ANXA6: variants seen among roughly 807,000 people sequenced by gnomAD.
ANXA6 encodes 67 kDa calelectrin.
A neutral mutation model predicts 95.4 loss-of-function variants in ANXA6; 71 were observed. That is an observed-to-expected ratio of 0.74 (90% confidence interval 0.61 to 0.91). The LOEUF (loss-of-function observed/expected upper bound fraction) is 0.91. Ranked by LOEUF, ANXA6 falls within the 40% of genes least tolerant of loss-of-function variation. ANXA6 has a pLI of 0.00. For synonymous variants in ANXA6, 289 were observed against 315.9 expected (o/e 0.91, Z 0.90); for missense variants, 830 against 876.4 (o/e 0.95, Z 0.67).
chr5:151,134,181 T>C (rs1163970403), intron 8 of ANXA6, among the ~76,000 whole-genome samples: 1 of 152,230 alleles, frequency 6.6e-6, no homozygotes, highest in East Asian at 1.9e-4. Context: ...ATCTAAAAAC[T>C]GAATGAATAA....
chr5:151,137,926 A>G (rs1364954650), intron 5 of ANXA6, among the ~76,000 whole-genome samples: 2 of 152,226 alleles, frequency 1.3e-5, no homozygotes, highest in African/African-American at 2.4e-5. Context: ...TGCCTCCTCC[A>G]GCTTTGTGAA....
chr5:151,139,413 G>A lies in ANXA6; in HGVS notation c.144C>T (p.Thr48=). 1 of 1,613,754 alleles carries A rather than the reference G, an allele frequency of 6.2e-7. No individual in the cohort carries two copies. The highest frequency in any genetic ancestry group is 8.5e-7 in the Non-Finnish European group (1 of 1,179,756). The change falls in exon 4 of 26, where the codon ACC becomes ACT. Residue 48 remains threonine (T), a synonymous_variant. Transcript: ENST00000354546. ...CCTGCCTCTGCCTGTTGCTCCGTGA[G>A]GTGATTATGTCCAGTATGGCCTCCT... ...SDKEAILDII[T]SRSNRQRQEV... is the part of the protein sequence containing the mutation.
At chr5:151,138,484 C>A (rs1765732719) in intron 5 of ANXA6, among the ~76,000 whole-genome samples, 194 bp downstream of exon 5, 1 of 152,168 alleles carries the variant, frequency 6.6e-6, no homozygotes, top group Non-Finnish European at 1.5e-5. Context: ...AGGGGGTCTG[C>A]ATCATGTTGA....
intron 2 of ANXA6, among the ~76,000 whole-genome samples, chr5:151,140,936 T>C (rs1220904675): frequency 3.9e-5 from 6 of 152,218 alleles, no homozygotes; most frequent in Non-Finnish European, 8.8e-5. Flanking sequence ...ACCTTGCAGG[T>C]GCCAGCTACT....
chr5:151,119,878 T>G lies in ANXA6; in HGVS notation c.1348-488A>C, dbSNP rs1765114906. 3.9e-5 allele frequency among the ~76,000 whole-genome samples: 6 copies of G among 152,120 alleles called. No homozygotes were observed. The South Asian group carries it at 1.2e-3, about 32-fold the overall frequency. ...AAAAAGTTTTGTGCTTAAGATAAAATGCTAAATTTTTTTTCTTTTGAGACA... is the reference window on the plus strand; with the variant it reads ...AAAAAGTTTTGTGCTTAAGATAAAAGGCTAAATTTTTTTTCTTTTGAGACA... On this transcript the variant is annotated intron_variant, in intron 17 of 25. Coordinates refer to ENST00000354546, the MANE Select transcript of ANXA6 (RefSeq NM_001155.5).
intron 10 of ANXA6, among the ~76,000 whole-genome samples, 163 bp from the exon 11 acceptor site, chr5:151,131,452 C>G (rs922437268): frequency 3.9e-5 from 6 of 152,176 alleles, no homozygotes; most frequent in African/African-American, 1.4e-4. Flanking sequence ...CCAGACCAAC[C>G]CACTTTTACC....
intron 2 of ANXA6, among the ~76,000 whole-genome samples, chr5:151,142,171 A>G (rs1346869686): frequency 1.3e-5 from 2 of 152,208 alleles, no homozygotes; most frequent in African/African-American, 4.8e-5. Context: ...AATATTAGCT[A>G]CTAGGATGGA....
chr5:151,124,385 A>T lies in ANXA6; in HGVS notation c.1057-18T>A. The T allele has an allele frequency of 1.2e-6, 2 of 1,601,050 alleles. No individual in the cohort carries two copies. Among genetic ancestry groups the T allele is most frequent in the Non-Finnish European group, 1.7e-6 (2 of 1,173,714 alleles). On this transcript the variant is annotated intron_variant, in intron 14 of 25. Coordinates refer to ENST00000354546, the MANE Select transcript of ANXA6 (RefSeq NM_001155.5). ...CCCTTCAGCTGTGAGAAGCAGAAAG[A>T]GACTCAGCAGGTGTCTGAAGGCCCC...
intron 17 of ANXA6, among the ~76,000 whole-genome samples, chr5:151,120,616 G>A (rs540146432): frequency 2.0e-5 from 3 of 152,114 alleles, no homozygotes; most frequent in Non-Finnish European, 4.4e-5. Context: ...CTACTCAGGA[G>A]GCTGAGGCAG....
chr5:151,131,676 T>C (rs993702044), intron 10 of ANXA6, among the ~76,000 whole-genome samples: 2 of 152,046 alleles, frequency 1.3e-5, no homozygotes, highest in Non-Finnish European at 2.9e-5. Context: ...TCCCACTGAA[T>C]CACCGTGAGT....
intron 1 of ANXA6, among the ~76,000 whole-genome samples, chr5:151,149,146 A>G (rs1168778620): frequency 7.3e-6 from 1 of 137,438 alleles, no homozygotes; most frequent in Non-Finnish European, 1.5e-5. Context: ...GCACCACTGC[A>G]CTCCAGCCTG....
chr5:151,149,480 C>A (rs1418867546), intron 1 of ANXA6, among the ~76,000 whole-genome samples: 5 of 152,066 alleles, frequency 3.3e-5, no homozygotes, highest in African/African-American at 4.8e-5. Flanking sequence ...TTAAGCAGGT[C>A]TGGGCAATTT....
At chr5:151,123,160 G>A (rs1464273111) in intron 15 of ANXA6, 149 bp from the exon 16 acceptor site, 3 of 672,554 alleles carry the variant, frequency 4.5e-6, no homozygotes, top group Non-Finnish European at 7.8e-6. Flanking sequence ...CAGTCCGCTT[G>A]CCTATGGCTC....
rs995913224 is a variant in ANXA6, at chr5:151,137,127, A to G, written c.409+104T>C. ...ATGGGTGGACAAATGGATCAGAGGA[A>G]AGGAGGAGAGAAGGTAGATGGCTAG... On this transcript the variant is annotated intron_variant, in intron 6 of 25. Transcript: ENST00000354546. The G allele has an allele frequency of 5.3e-6, 5 of 949,918 alleles. No homozygotes were observed. In the African/African-American group the frequency reaches 8.5e-5, roughly 16 times the overall value. The allele number at this position is 949,918 out of a possible 1,614,324, so 58.8% of individuals were successfully genotyped here.
Position 151,128,250 on chromosome 5 carries a change from A to C in ANXA6, c.919-11T>G. On this transcript the variant is annotated splice_polypyrimidine_tract_variant and intron_variant, in intron 12 of 25. Transcript: ENST00000354546. ...GCCAGAGGTGTCATTCTGAAGAGAAAGAAAGAAAGGTTACCTCTCACCCAG... is the reference window on the plus strand; with the variant it reads ...GCCAGAGGTGTCATTCTGAAGAGAACGAAAGAAAGGTTACCTCTCACCCAG... 6.2e-7 allele frequency: 1 copy of C among 1,606,526 alleles called. No homozygotes were observed. The highest frequency in any genetic ancestry group is 8.5e-7 in the Non-Finnish European group (1 of 1,177,190).
intron 13 of ANXA6, 47 bp downstream of exon 13, chr5:151,128,134 G>A (rs1275158571): frequency 6.5e-7 from 1 of 1,547,270 alleles, no homozygotes; most frequent in Admixed American, 1.7e-5. Flanking sequence ...TCCCCGCCTG[G>A]CACCCCAAGG....
intron 1 of ANXA6, among the ~76,000 whole-genome samples, chr5:151,150,482 G>A (rs2113959846): frequency 6.6e-6 from 1 of 152,294 alleles, no homozygotes; most frequent in Admixed American, 6.5e-5. Flanking sequence ...TTGAGGACAG[G>A]GCCTCTGTCG....
intron 1 of ANXA6, among the ~76,000 whole-genome samples, chr5:151,148,554 C>T (rs138771490): frequency 1.7e-4 from 26 of 152,350 alleles, no homozygotes; most frequent in African/African-American, 6.3e-4. Flanking sequence ...CCTAGTCAGG[C>T]ATTGCTCTGG....
At chr5:151,110,387 G>A (rs1403960246) in intron 21 of ANXA6, among the ~76,000 whole-genome samples, 1 of 152,182 alleles carries the variant, frequency 6.6e-6, no homozygotes, top group Admixed American at 6.5e-5. Context: ...AGAGTGAGTC[G>A]ATTTAAAGAT....
Sources: allele counts gnomAD v4.1 joint callset (sites outside exome capture counted in the v4.1 genomes callset), GRCh38; gene constraint gnomAD v4.1.1; transcripts MANE v1.5; gene names NCBI Gene and HGNC (gene_info 2026-07-23, HGNC 2026-07-21).